SKIC3: variants seen among roughly 807,000 people sequenced by gnomAD.
SKIC3 encodes superkiller complex protein 3.
At chr5:95,490,679 T>C in the SKIC3 span, among the ~76,000 whole-genome samples, 1 of 151,862 alleles carries the variant, frequency 6.6e-6, no homozygotes, top group African/African-American at 2.4e-5. Flanking sequence ...CTGTATTTTT[T>C]AGTAGAGACG....
chr5:95,522,602 C>G, the SKIC3 span, among the ~76,000 whole-genome samples: 1 of 151,922 alleles, frequency 6.6e-6, no homozygotes. Context: ...GGACAGGTGT[C>G]CATCTCAGTT....
chr5:95,527,658 C>T, the SKIC3 span, among the ~76,000 whole-genome samples: 3 of 152,172 alleles, frequency 2.0e-5, no homozygotes, highest in Non-Finnish European at 4.4e-5. Flanking sequence ...TAACAGTGTC[C>T]TTAATTATTC....
chr5:95,549,660 T>C, the SKIC3 span, among the ~76,000 whole-genome samples: 10 of 152,012 alleles, frequency 6.6e-5, no homozygotes, highest in African/African-American at 2.2e-4. Flanking sequence ...CACACATATA[T>C]GTACGTAAGT....
chr5:95,482,895 T>C, the SKIC3 span, among the ~76,000 whole-genome samples: 1 of 152,160 alleles, frequency 6.6e-6, no homozygotes, highest in Admixed American at 6.6e-5. Flanking sequence ...TACTCTTAAG[T>C]GATATCCTGA....
chr5:95,546,221 G>A, the SKIC3 span, among the ~76,000 whole-genome samples: 15 of 150,878 alleles, frequency 9.9e-5, no homozygotes, highest in South Asian at 2.3e-3. Flanking sequence ...AATACAAAGA[G>A]AAAAACTACA....
chr5:95,506,852 A>T, the SKIC3 span: 7 of 1,335,550 alleles, frequency 5.2e-6, no homozygotes, highest in African/African-American at 1.0e-4. Context: ...TCTAGGAACT[A>T]GTCAGCATAT....
At chr5:95,483,552 C>G in the SKIC3 span, among the ~76,000 whole-genome samples, 5 of 152,134 alleles carry the variant, frequency 3.3e-5, no homozygotes, top group Non-Finnish European at 7.4e-5. Flanking sequence ...ATGTATCACT[C>G]TGCTTTTCAT....
the SKIC3 span, among the ~76,000 whole-genome samples, chr5:95,504,773 G>A: frequency 4.6e-5 from 7 of 152,168 alleles, no homozygotes; most frequent in Non-Finnish European, 1.0e-4. Flanking sequence ...GGCCAAGACA[G>A]GGGCATCACT....
chr5:95,512,787 C>T, the SKIC3 span: 441 of 695,144 alleles, frequency 6.3e-4, 2 homozygotes, highest in South Asian at 4.5e-3. Flanking sequence ...TAAAACACAG[C>T]GAAGAACATA....
the SKIC3 span, chr5:95,525,327 C>T: frequency 7.3e-7 from 1 of 1,367,386 alleles, no homozygotes; most frequent in African/African-American, 1.4e-5. Context: ...CAAGCCTACT[C>T]ATTTTGAATT....
chr5:95,487,535 C>T, the SKIC3 span, among the ~76,000 whole-genome samples: 2 of 152,192 alleles, frequency 1.3e-5, no homozygotes, highest in African/African-American at 2.4e-5. Flanking sequence ...CATAACTTCA[C>T]CAAGCCTCCA....
At chr5:95,480,095 G>T in the SKIC3 span, among the ~76,000 whole-genome samples, 1 of 151,800 alleles carries the variant, frequency 6.6e-6, no homozygotes, top group Non-Finnish European at 1.5e-5. Flanking sequence ...ATTAATCCAG[G>T]ATAAATTATA....
At chr5:95,496,825 A>G in the SKIC3 span, among the ~76,000 whole-genome samples, 2 of 152,182 alleles carry the variant, frequency 1.3e-5, no homozygotes, top group Non-Finnish European at 2.9e-5. Flanking sequence ...TGTTCAAAAC[A>G]TTAGCTATTA....
At chr5:95,472,874 T>C in the SKIC3 span, among the ~76,000 whole-genome samples, 1 of 152,240 alleles carries the variant, frequency 6.6e-6, no homozygotes, top group Non-Finnish European at 1.5e-5. Context: ...TTTCTGTCCC[T>C]GTGTTAATTC....
At chr5:95,469,180 TTAAAG>T in the SKIC3 span, among the ~76,000 whole-genome samples, 1 of 152,236 alleles carries the variant, frequency 6.6e-6, no homozygotes, top group Non-Finnish European at 1.5e-5. Context: ...TTTCAAAATA[TTAAAG>T]TATTCTTGCC....
chr5:95,541,782 A>G, the SKIC3 span: 28 of 1,475,686 alleles, frequency 1.9e-5, no homozygotes, highest in Admixed American at 4.7e-4. Flanking sequence ...TCAAGCTTTG[A>G]AAGAAACTGG....
chr5:95,477,057 A>G, the SKIC3 span, among the ~76,000 whole-genome samples: 1 of 152,206 alleles, frequency 6.6e-6, no homozygotes. Context: ...AAGAGTGTCT[A>G]CTTCTCCAGT....
chr5:95,486,927 G>T, the SKIC3 span, among the ~76,000 whole-genome samples: 13 of 152,158 alleles, frequency 8.5e-5, no homozygotes, highest in Admixed American at 5.2e-4. Flanking sequence ...AATTGTGATG[G>T]TTAATACTGA....
the SKIC3 span, among the ~76,000 whole-genome samples, chr5:95,488,856 C>CAA: frequency 6.8e-6 from 1 of 147,654 alleles, no homozygotes; most frequent in African/African-American, 2.5e-5. Flanking sequence ...AAGAATATAC[C>CAA]AAAAAAAAAA....
Sources: allele counts gnomAD v4.1 joint callset (sites outside exome capture counted in the v4.1 genomes callset), GRCh38; gene constraint gnomAD v4.1.1; transcripts MANE v1.5; gene names NCBI Gene and HGNC (gene_info 2026-07-23, HGNC 2026-07-21).